TMPRSS4: variants seen among roughly 807,000 people sequenced by gnomAD.
TMPRSS4 encodes transmembrane serine protease 4.
In TMPRSS4, 45 loss-of-function variants were observed where a neutral mutation model predicts 56.4. The observed-to-expected ratio is 0.80, with a 90% CI of 0.63 to 1.02. TMPRSS4 has a LOEUF of 1.02. Among genes scored for constraint, TMPRSS4 ranks in the 50% least tolerant of loss-of-function variants. The pLI, the probability that TMPRSS4 is intolerant of heterozygous loss-of-function variation, is 0.00. For synonymous variants in TMPRSS4, 205 were observed against 211.0 expected, an observed-to-expected ratio of 0.97 and a Z score of 0.25; for missense variants, 546 against 556.7, an observed-to-expected ratio of 0.98 and a Z score of 0.19.
rs1591377352 is a variant in TMPRSS4, at chr11:118,097,766, T to G, written c.44-1219T>G. Among the ~76,000 whole-genome samples, 3 of 152,122 alleles carry G rather than the reference T, an allele frequency of 2.0e-5. No individual in the cohort carries two copies. In the South Asian group the frequency reaches 6.2e-4, roughly 32 times the overall value. ...AATCCACCTCCTCCCTGATGAAAGATCCATCTTTCTTTTTGTTTTTTGAGG... is the reference window on the plus strand; with the variant it reads ...AATCCACCTCCTCCCTGATGAAAGAGCCATCTTTCTTTTTGTTTTTTGAGG... On this transcript the variant is annotated intron_variant, in intron 2 of 12. Coordinates refer to ENST00000437212, the MANE Select transcript of TMPRSS4 (RefSeq NM_019894.4).
chr11:118,111,603 A>G lies in TMPRSS4; in HGVS notation c.584-138A>G, dbSNP rs1947280929. The G allele has an allele frequency of 5.0e-6, 3 of 594,298 alleles. No homozygotes were observed. The South Asian group carries it at 7.8e-5, about 15-fold the overall frequency. 36.8% of individuals were successfully genotyped at this position (594,298 alleles called of 1,614,324 possible). On this transcript the variant is annotated intron_variant, in intron 7 of 12. Transcript: ENST00000437212. ...ACTCAATACCTCCCATGAATATCTC[A>G]TATTGGGCTGGTCCTCTCTCCACTC...
downstream of TMPRSS4, among the ~76,000 whole-genome samples, chr11:118,125,487 T>C (rs1469157209): frequency 6.6e-6 from 1 of 152,148 alleles, no homozygotes; most frequent in Non-Finnish European, 1.5e-5. Flanking sequence ...AACCCCCAAA[T>C]AAAGTGTTAA....
At chr11:118,083,594 A>G (rs656199) in intron 1 of TMPRSS4, among the ~76,000 whole-genome samples, 111,458 of 152,008 alleles carry the variant, frequency 0.73, 41,863 homozygotes, top group South Asian at 0.83. Flanking sequence ...GAACTTCCCA[A>G]GTTCTATTTT....
intron 11 of TMPRSS4, 33 bp from the exon 12 acceptor site, chr11:118,117,272 C>T: frequency 8.7e-6 from 14 of 1,612,878 alleles, no homozygotes; most frequent in Non-Finnish European, 1.1e-5. Context: ...CTCACCTGCC[C>T]TCCCCAGCAG....
At position 118,103,194 on chromosome 11, in the gene TMPRSS4, C is replaced by T. The variant is rs766360701; in HGVS notation, c.251C>T (p.Pro84Leu). The T allele has an allele frequency of 1.2e-6, 2 of 1,614,194 alleles. No homozygotes were observed. Among genetic ancestry groups the T allele is most frequent in the African/African-American group, 2.7e-5 (2 of 75,042 alleles). ...KQLCDGELDC[P>L]LGEDEEHCVK... ...CTGTGTGACGGAGAGCTGGACTGTCCCTTGGGGGAGGACGAGGAGCACTGT... is the reference window on the plus strand; with the variant it reads ...CTGTGTGACGGAGAGCTGGACTGTCTCTTGGGGGAGGACGAGGAGCACTGT... The change falls in exon 4 of 13, where the codon CCC (proline) becomes CTC (leucine). Residue 84 changes from proline (P) to leucine (L), a missense_variant. Pro to Leu is a moderately conservative substitution (Grantham distance 98). Coordinates refer to ENST00000437212, the MANE Select transcript of TMPRSS4 (RefSeq NM_019894.4).
At chr11:118,111,005 C>T (rs572949501) in intron 7 of TMPRSS4, among the ~76,000 whole-genome samples, 1 of 152,318 alleles carries the variant, frequency 6.6e-6, no homozygotes, top group East Asian at 1.9e-4. Context: ...AGGGAGATCC[C>T]GAAGGGCTTT....
At chr11:118,107,159 C>T (rs1302805023) in intron 5 of TMPRSS4, 2 of 152,120 alleles carry the variant, frequency 1.3e-5, no homozygotes, top group Non-Finnish European at 2.9e-5. Flanking sequence ...AAAACTTCAA[C>T]CCAAGGTTTG....
chr11:118,104,037 A>G (rs943858980), intron 4 of TMPRSS4, among the ~76,000 whole-genome samples: 1 of 151,870 alleles, frequency 6.6e-6, no homozygotes, highest in Non-Finnish European at 1.5e-5. Context: ...TTGAGCATAA[A>G]ATCCACGTTC....
At chr11:118,125,105 G>A (rs1032972415), downstream of TMPRSS4, among the ~76,000 whole-genome samples, 15 of 152,216 alleles carry the variant, frequency 9.9e-5, no homozygotes, top group African/African-American at 3.4e-4. Context: ...CATGCACCAC[G>A]GTGACAGCCA....
At position 118,113,354 on chromosome 11, in the gene TMPRSS4, A is replaced by G; in HGVS notation, c.829A>G (p.Ile277Val). The change falls in exon 9 of 13, where the codon ATC becomes GTC. Residue 277 changes from isoleucine (I) to valine (V), a missense_variant. Transcript: ENST00000437212. Reference protein sequence around the residue: ...SFPSLAVAKIIIIEFNPMYPK... With the variant: ...SFPSLAVAKIVIIEFNPMYPK... ...CCCATCCCTGGCTGTGGCCAAGATC[A>G]TCATCATTGAATTCAACCCCATGTA... 4 of 1,614,164 alleles carry G rather than the reference A, an allele frequency of 2.5e-6. No individual in the cohort carries two copies. The highest frequency in any genetic ancestry group is 3.4e-6 in the Non-Finnish European group (4 of 1,180,032).
At chr11:118,108,623 C>G in intron 6 of TMPRSS4, 1 of 548,376 alleles carries the variant, frequency 1.8e-6, no homozygotes, top group Non-Finnish European at 3.2e-6. Context: ...GCAGGCAGGG[C>G]CCAGCACACA....
At chr11:118,086,165 G>A (rs905162218) in intron 1 of TMPRSS4, among the ~76,000 whole-genome samples, 4 of 152,226 alleles carry the variant, frequency 2.6e-5, no homozygotes, top group Admixed American at 6.5e-5. Flanking sequence ...TTGTGAAATA[G>A]GAATAGTTAC....
At chr11:118,115,417 G>A (rs1364798795) in intron 11 of TMPRSS4, 137 bp downstream of exon 11, 3 of 1,107,624 alleles carry the variant, frequency 2.7e-6, no homozygotes, top group African/African-American at 3.1e-5. Context: ...GGGAGGAAGA[G>A]AGGGAGGGAA....
At position 118,115,114 on chromosome 11, in the gene TMPRSS4, A is replaced by C. The variant is rs1565441036; in HGVS notation, c.1010-24A>C. ...TGGGGGATAGAAGGCAAGGATGGGA[A>C]TGTGAGTGTTTTTACCCTCCCAGGG... On this transcript the variant is annotated intron_variant, in intron 10 of 12. Transcript: ENST00000437212. The C allele has an allele frequency of 1.9e-6, 3 of 1,604,618 alleles. No individual in the cohort carries two copies. In the South Asian group the frequency reaches 3.4e-5, roughly 18 times the overall value.
At chr11:118,098,147 G>A (rs1285028932) in intron 2 of TMPRSS4, among the ~76,000 whole-genome samples, 2 of 152,198 alleles carry the variant, frequency 1.3e-5, no homozygotes, top group African/African-American at 4.8e-5. Context: ...ACTGCCTTCA[G>A]GATAAAACCC....
In TMPRSS4 at chr11:118,077,278, A is replaced by T. The variant is rs762855566; in HGVS notation, c.-25A>T. ...ACAATCTCAGCTCCAGGCTACAGGG[A>T]GACCGGGAGGATCACAGAGCCAGCA... On this transcript the variant is annotated 5_prime_UTR_variant, in exon 1 of 13. Transcript: ENST00000437212. The T allele has an allele frequency of 1.3e-4, 212 of 1,599,966 alleles. No individual in the cohort carries two copies. The highest frequency in any genetic ancestry group is 1.7e-4 in the Non-Finnish European group (202 of 1,173,354).
rs1044503314 is a variant in TMPRSS4, at chr11:118,118,320, C to G, written c.*407C>G. ...AGCCCTGTCCGTCTTCACCCATCCCCAAGCCTACTAGAGCAAGAAACCAGT... is the reference window on the plus strand; with the variant it reads ...AGCCCTGTCCGTCTTCACCCATCCCGAAGCCTACTAGAGCAAGAAACCAGT... On this transcript the variant is annotated 3_prime_UTR_variant, in exon 13 of 13. Coordinates refer to ENST00000437212, the MANE Select transcript of TMPRSS4 (RefSeq NM_019894.4). 1.0e-5 allele frequency: 11 copies of G among 1,069,832 alleles called. No homozygotes were observed. The highest frequency in any genetic ancestry group is 1.2e-5 in the Non-Finnish European group (11 of 884,918). 66.3% of individuals were successfully genotyped at this position (1,069,832 alleles called of 1,614,324 possible). A position where few individuals can be genotyped will look rare whatever the true frequency, so the allele number is the denominator to read the frequency against.
At chr11:118,112,824 CTTT>C (rs5795113) in intron 8 of TMPRSS4, among the ~76,000 whole-genome samples, 4,379 of 128,442 alleles carry the variant, frequency 0.034, 235 homozygotes, top group African/African-American at 0.12. Context: ...TTTTTAACCA[CTTT>C]TTTTTTTTTT....
chr11:118,090,389 G>T (rs1041699498), intron 1 of TMPRSS4, among the ~76,000 whole-genome samples: 1 of 152,122 alleles, frequency 6.6e-6, no homozygotes, highest in East Asian at 1.9e-4. Flanking sequence ...TCTAGCTTAC[G>T]GTTTTGCTTT....
Sources: gnomAD v4.1 joint callset for allele counts (sites outside exome capture counted in the v4.1 genomes callset) on GRCh38, gnomAD v4.1.1 for gene constraint, MANE v1.5 for transcripts, NCBI Gene and HGNC (gene_info 2026-07-23, HGNC 2026-07-21) for gene names.